The following MCF2L variants were observed in gnomAD, a reference collection of about 807,000 sequenced individuals.
The protein encoded by MCF2L is MCF.2 cell line derived transforming sequence like.
A neutral mutation model predicts 153.4 loss-of-function variants in MCF2L; 97 were observed. That is an observed-to-expected ratio of 0.63 (90% confidence interval 0.54 to 0.75). The LOEUF (loss-of-function observed/expected upper bound fraction) is 0.75, where lower values mean the gene tolerates loss of function less well. Among genes scored for constraint, MCF2L ranks in the 30% least tolerant of loss-of-function variants. MCF2L has a pLI of 0.00. For missense variants in MCF2L, 1,347 were observed against 1,495.2 expected, an observed-to-expected ratio of 0.90 and a Z score of 1.64; for synonymous variants, 659 against 632.2, an observed-to-expected ratio of 1.04 and a Z score of -0.64.
chr13:113,040,468 G>A (rs1013409629), intron 3 of MCF2L: 1 of 125,196 alleles, frequency 8.0e-6, no homozygotes, highest in African/African-American at 3.1e-5. Context: ...CCACCCTGCT[G>A]TGCAGGGACC....
rs2081415233 is a variant in MCF2L, at chr13:112,927,080, A to ATTT, written c.169+24709_169+24710insTTT. ...ACAGAGAAATATGAATTAAAAGCAC[A>ATTT]CTGGCATACTGCCTCTTGCTAATCA... On this transcript the variant is annotated intron_variant, in intron 2 of 29. Transcript: ENST00000375608. Among the ~76,000 whole-genome samples the ATTT allele has an allele frequency of 5.3e-5, 8 of 152,372 alleles. No individual in the cohort carries two copies. The South Asian group carries it at 1.7e-3, about 32-fold the overall frequency.
chr13:112,896,463 C>CCG (rs1555347671), intron 1 of MCF2L, among the ~76,000 whole-genome samples: 1 of 152,122 alleles, frequency 6.6e-6, no homozygotes, highest in African/African-American at 2.4e-5. Flanking sequence ...AGAGGCCCCC[C>CCG]CTGTCTTTAC....
At chr13:113,002,803 C>T (rs2083455747) in intron 1 of MCF2L, among the ~76,000 whole-genome samples, 2 of 152,182 alleles carry the variant, frequency 1.3e-5, no homozygotes, top group Admixed American at 6.5e-5. Flanking sequence ...AAATAAGCAT[C>T]TTTGTGAATT....
intron 2 of MCF2L, among the ~76,000 whole-genome samples, chr13:112,906,138 C>T (rs2081170752): frequency 6.6e-6 from 1 of 152,186 alleles, no homozygotes; most frequent in Admixed American, 6.5e-5. Flanking sequence ...GCTCTGTTTG[C>T]TCTTGGTTTC....
Position 112,993,613 on chromosome 13 carries a change from AGGGATGTTTCTT to A in MCF2L, c.80-21147_80-21136del, listed in dbSNP as rs1393497580. Among the ~76,000 whole-genome samples, 5 of 152,026 alleles carry A rather than the reference AGGGATGTTTCTT, an allele frequency of 3.3e-5. No individual in the cohort carries two copies. Among genetic ancestry groups the A allele is most frequent in the Non-Finnish European group, 4.4e-5 (3 of 67,998 alleles). On this transcript the variant is annotated intron_variant, in intron 1 of 29. Transcript: ENST00000535094. The surrounding 1 kb of genome is among the most constrained non-coding windows in gnomAD (Gnocchi z 4.6). ...TTTCAGGGCAGGAGGGACGGGGCTT[AGGGATGTTTCTT>A]GGAGAGAGGGAGCGAGAAGTCATCG...
rs2085667660 is a variant in MCF2L at position 113,031,094 on chromosome 13, C to CAGAGACAGAGAGAGACAGAGACAGAG, written c.278+6339_278+6364dup. Among the ~76,000 whole-genome samples, 1 of 147,256 alleles carries CAGAGACAGAGAGAGACAGAGACAGAG rather than the reference C, an allele frequency of 6.8e-6. No homozygotes were observed. The highest frequency in any genetic ancestry group is 1.5e-5 in the Non-Finnish European group (1 of 67,360). On this transcript the variant is annotated intron_variant, in intron 3 of 29. Transcript: ENST00000535094. This position sits in a 1 kb window ranked among gnomAD's most constrained non-coding sequence, Gnocchi z 5.5. ...AGAGACAGACAGATACAGACAGAGA[C>CAGAGACAGAGAGAGACAGAGACAGAG]AGAGACAGAGAGAGACAGAGACAGA...
In MCF2L at chr13:113,074,416, C is replaced by T; in HGVS notation, c.997-28C>T. ...CTCTGTTCAGGTGAGGGAGACACCC[C>T]CCTGAGATGGGCCCTCCTCTGTTCC... On this transcript the variant is annotated intron_variant, in intron 9 of 29. Transcript: ENST00000535094. The surrounding 1 kb of genome is among the most constrained non-coding windows in gnomAD (Gnocchi z 4.2). The T allele has an allele frequency of 1.9e-6, 3 of 1,603,760 alleles. No homozygotes were observed. The highest frequency in any genetic ancestry group is 2.6e-6 in the Non-Finnish European group (3 of 1,171,484).
intron 2 of MCF2L, chr13:112,916,974 T>A (rs2081298857): frequency 2.3e-6 from 1 of 437,080 alleles, no homozygotes; most frequent in Non-Finnish European, 4.8e-6. Context: ...CACACTGGTC[T>A]GTGTCCCCAT....
chr13:112,903,117 C>T (rs933216480), intron 2 of MCF2L, among the ~76,000 whole-genome samples: 2 of 152,218 alleles, frequency 1.3e-5, no homozygotes, highest in African/African-American at 2.4e-5. Flanking sequence ...TGAGGGCAGG[C>T]GTGGATTTGA....
intron 1 of MCF2L, among the ~76,000 whole-genome samples, chr13:112,985,644 G>C (rs2082607935): frequency 6.6e-6 from 1 of 152,198 alleles, no homozygotes; most frequent in Admixed American, 6.5e-5. Flanking sequence ...GAGTGGGGAT[G>C]AGAAGCAAAT....
chr13:113,045,317 C>T lies in MCF2L; in HGVS notation c.325C>T (p.Arg109Trp), dbSNP rs143150757. 63 of 1,613,978 alleles carry T rather than the reference C, an allele frequency of 3.9e-5. No individual in the cohort carries two copies. Among genetic ancestry groups the T allele is most frequent in the East Asian group, 1.3e-4 (6 of 44,900 alleles). Residue 109 changes from arginine (R) to tryptophan (W), a missense_variant, in exon 4 of 30, where the codon CGG (arginine) becomes TGG (tryptophan). Coordinates refer to ENST00000535094, the MANE Select transcript of MCF2L (RefSeq NM_001112732.3). This position sits in a 1 kb window ranked among gnomAD's most constrained non-coding sequence, Gnocchi z 4.2. ...ATTCATCCTGGTGATAGACCGGCGA[C>T]GGGACAAATGGACCTCCGTGAAGGC... ...IGFILVIDRR[R>W]DKWTSVKASV...
chr13:112,944,570 T>C (rs2081616000), intron 2 of MCF2L, among the ~76,000 whole-genome samples: 3 of 3,900 alleles, frequency 7.7e-4, no homozygotes, highest in Non-Finnish European at 1.4e-3. Context: ...AAACCTGAAC[T>C]TTTTTTTTTT....
At position 112,932,318 on chromosome 13, in the gene MCF2L, ACAGAGGCTTCCAG is replaced by A. The variant is rs2081472534; in HGVS notation, c.169+29948_169+29960del. Among the ~76,000 whole-genome samples, 2 of 152,174 alleles carry A rather than the reference ACAGAGGCTTCCAG, an allele frequency of 1.3e-5. No individual in the cohort carries two copies. The highest frequency in any genetic ancestry group is 4.2e-4 in the South Asian group (2 of 4,816). Reference sequence around the variant, plus strand: ...TCATGAGAAGGACGTCAGAGTTCCAACAGAGGCTTCCAGTATACCTGACCAGTAGCCCTCAAAA... The same window carrying A: ...TCATGAGAAGGACGTCAGAGTTCCAATATACCTGACCAGTAGCCCTCAAAA... On this transcript the variant is annotated intron_variant, in intron 2 of 29. Transcript: ENST00000375608. The surrounding 1 kb of genome is among the most constrained non-coding windows in gnomAD (Gnocchi z 4.6).
At chr13:112,914,790 G>T (rs1312369007) in intron 2 of MCF2L, among the ~76,000 whole-genome samples, 1 of 151,738 alleles carries the variant, frequency 6.6e-6, no homozygotes, top group African/African-American at 2.4e-5. Context: ...TGTTTTCTAG[G>T]CGCTTTTCAT....
In MCF2L at chr13:112,969,851, G is replaced by A. The variant is rs573784290; in HGVS notation, c.79+393G>A. Among the ~76,000 whole-genome samples the A allele has an allele frequency of 7.2e-5, 11 of 152,330 alleles. No individual in the cohort carries two copies. In the South Asian group the frequency reaches 2.3e-3, roughly 32 times the overall value. ...TTTCAGAGCCAGGGGTAGGGATGGT[G>A]AAGCTACCTGGAAGCTCGTTTTGAG... On this transcript the variant is annotated intron_variant, in intron 1 of 29. Coordinates refer to ENST00000535094, the MANE Select transcript of MCF2L (RefSeq NM_001112732.3). This position sits in a 1 kb window ranked among gnomAD's most constrained non-coding sequence, Gnocchi z 4.8.
chr13:113,079,120 G>A (rs1298654069), intron 15 of MCF2L, among the ~76,000 whole-genome samples: 1 of 152,148 alleles, frequency 6.6e-6, no homozygotes, highest in Non-Finnish European at 1.5e-5. Context: ...CAGCTGCTCA[G>A]GGCTCAGTGT....
At chr13:113,084,863 C>T (rs758741006) in intron 18 of MCF2L, 29 bp from the exon 19 acceptor site, 94 of 1,558,182 alleles carry the variant, frequency 6.0e-5, no homozygotes, top group Non-Finnish European at 4.4e-5. Context: ...TCCCTCACTG[C>T]GTGATGCGGT....
At chr13:112,972,840 G>GGTGGATGCATCA in intron 1 of MCF2L, among the ~76,000 whole-genome samples, 1 of 5,574 alleles carries the variant, frequency 1.8e-4, no homozygotes, top group Non-Finnish European at 4.9e-4. Flanking sequence ...TGGATGGATG[G>GGTGGATGCATCA]ATGAATGGAT....
chr13:113,024,516 T>C (rs2993305), intron 2 of MCF2L, 128 bp from the exon 3 acceptor site: 214,321 of 607,038 alleles, frequency 0.35, 40,039 homozygotes, highest in East Asian at 0.58. Context: ...ATAAAAATTA[T>C]GCAACGATGA....
Sources: gnomAD v4.1 joint callset for allele counts (sites outside exome capture counted in the v4.1 genomes callset) on GRCh38, gnomAD v4.1.1 for gene constraint, Gnocchi (gnomAD v3.1) non-coding constraint, MANE v1.5 for transcripts, NCBI Gene and HGNC (gene_info 2026-07-23, HGNC 2026-07-21) for gene names.